The following RANBP10 variants were observed in gnomAD, a reference collection of about 807,000 sequenced individuals.
RANBP10 encodes the protein ran-binding protein 10.
Under a neutral mutation model 72.8 loss-of-function variants are expected in RANBP10, and 24 were observed. The ratio of observed to expected loss-of-function variants is 0.33; its 90% CI spans 0.24 to 0.46. The LOEUF is 0.46. RANBP10 is among the 20% of genes least tolerant of loss of function. The probability of loss-of-function intolerance (pLI) is 1.00; values close to 1 mark genes in which losing one functional copy is unlikely to be tolerated. For missense variants in RANBP10, 679 were observed against 817.5 expected, an observed-to-expected ratio of 0.83 and a Z score of 2.07; for synonymous variants, 310 against 322.3, an observed-to-expected ratio of 0.96 and a Z score of 0.41.
At chr16:67,766,198 T>A (rs1223911869) in intron 3 of RANBP10, among the ~76,000 whole-genome samples, 2 of 152,000 alleles carry the variant, frequency 1.3e-5, no homozygotes, top group Non-Finnish European at 2.9e-5. Flanking sequence ...CCATCCCACC[T>A]CCCCACCAAA....
intron 2 of RANBP10, among the ~76,000 whole-genome samples, chr16:67,779,346 G>A (rs532185053): frequency 4.9e-4 from 74 of 150,736 alleles, no homozygotes; most frequent in African/African-American, 1.5e-3. Context: ...GCAGTGAGCC[G>A]AGATGGCACT....
rs2053576693 is a variant in RANBP10 at position 67,725,114 on chromosome 16, CAT to C, written c.*1312_*1313del. ...GATCTATCTGAAACAGCTGGTGGGA[CAT>C]GTGTAAAGCTGATAGAGTCCCATTC... On this transcript the variant is annotated 3_prime_UTR_variant, in exon 14 of 14. Coordinates refer to ENST00000317506, the MANE Select transcript of RANBP10 (RefSeq NM_020850.3). The C allele has an allele frequency of 6.6e-6, 1 of 152,658 alleles. No individual in the cohort carries two copies. The highest frequency in any genetic ancestry group is 2.4e-5 in the African/African-American group (1 of 41,444). The allele number at this position is 152,658 out of a possible 1,614,324, so 9.5% of individuals were successfully genotyped here.
Position 67,724,276 on chromosome 16 carries a change from C to A in RANBP10, c.*2152G>T. ...GGTTTCAGGACTAAATAGTGTTGCC[C>A]AACCCACAGGGATAAGGGATAGTCC... On this transcript the variant is annotated 3_prime_UTR_variant, in exon 14 of 14. Transcript: ENST00000317506. 6.6e-6 allele frequency: 1 copy of A among 152,372 alleles called. No homozygotes were observed. 9.4% of individuals were successfully genotyped at this position (152,372 alleles called of 1,614,324 possible). A position where few individuals can be genotyped will look rare whatever the true frequency, so the allele number is the denominator to read the frequency against.
chr16:67,799,373 G>A (rs1423649804), intron 2 of RANBP10, among the ~76,000 whole-genome samples: 2 of 147,084 alleles, frequency 1.4e-5, no homozygotes, highest in South Asian at 2.2e-4. Flanking sequence ...CTGCAAGCTC[G>A]GCCTCCCGGG....
chr16:67,733,890 A>C (rs1302481514), intron 6 of RANBP10, among the ~76,000 whole-genome samples: 1 of 152,160 alleles, frequency 6.6e-6, no homozygotes, highest in Non-Finnish European at 1.5e-5. Flanking sequence ...TCCCCTACAC[A>C]GACTTGGCAT....
intron 2 of RANBP10, among the ~76,000 whole-genome samples, chr16:67,779,844 T>C (rs1018492609): frequency 1.3e-5 from 2 of 152,284 alleles, no homozygotes; most frequent in Admixed American, 6.5e-5. Flanking sequence ...CAAGGTGTGC[T>C]GACTCAAAAT....
chr16:67,725,412 C>CT lies in RANBP10; in HGVS notation c.*1015dup, dbSNP rs1355640812. 2 of 152,620 alleles carry CT rather than the reference C, an allele frequency of 1.3e-5. No homozygotes were observed. The highest frequency in any genetic ancestry group is 2.9e-5 in the Non-Finnish European group (2 of 68,072). The allele number at this position is 152,620 out of a possible 1,614,324, so 9.5% of individuals were successfully genotyped here. A position where few individuals can be genotyped will look rare whatever the true frequency, so the allele number is the denominator to read the frequency against. The stretch of plus-strand genomic sequence containing the variant: ...AGGGCCTCTGTCCTGGGAATGGAGT[C>CT]TTCTTTCCAGCAGCCTGACACACAG... On this transcript the variant is annotated 3_prime_UTR_variant, in exon 14 of 14. Coordinates refer to ENST00000317506, the MANE Select transcript of RANBP10 (RefSeq NM_020850.3).
chr16:67,756,496 C>A (rs930158174), intron 3 of RANBP10, among the ~76,000 whole-genome samples: 1 of 151,978 alleles, frequency 6.6e-6, no homozygotes, highest in African/African-American at 2.4e-5. Flanking sequence ...CTGAGGCGGG[C>A]GTTCAAGACC....
At position 67,728,728 on chromosome 16, in the gene RANBP10, C is replaced by G. The variant is rs746721713; in HGVS notation, c.1353-217G>C. 292 of 805,758 alleles carry G rather than the reference C, an allele frequency of 3.6e-4. 2 individuals carry two copies. Among genetic ancestry groups the G allele is most frequent in the Admixed American group, 3.4e-4 (12 of 35,780 alleles). 49.9% of individuals were successfully genotyped at this position (805,758 alleles called of 1,614,324 possible). ...CTGTCACCTGATTCCCACCCTTGCCCCAGTGCTGCCTCTGTGATTCTCCCC... is the reference window on the plus strand; with the variant it reads ...CTGTCACCTGATTCCCACCCTTGCCGCAGTGCTGCCTCTGTGATTCTCCCC... On this transcript the variant is annotated intron_variant, in intron 10 of 13. Transcript: ENST00000317506.
intron 3 of RANBP10, among the ~76,000 whole-genome samples, chr16:67,748,392 G>A (rs1201990411): frequency 1.3e-5 from 2 of 151,492 alleles, no homozygotes; most frequent in Non-Finnish European, 2.9e-5. Context: ...GCGTGGTGGC[G>A]GGCGCCTGTA....
chr16:67,801,941 G>T (rs2055241397), intron 2 of RANBP10, among the ~76,000 whole-genome samples: 1 of 151,644 alleles, frequency 6.6e-6, no homozygotes, highest in African/African-American at 2.4e-5. Flanking sequence ...CAAAAAATAA[G>T]AAAATGAGCC....
At chr16:67,755,021 C>T (rs948811038) in intron 3 of RANBP10, among the ~76,000 whole-genome samples, 1 of 152,118 alleles carries the variant, frequency 6.6e-6, no homozygotes, top group Admixed American at 6.6e-5. Flanking sequence ...ATGTAAATAA[C>T]ACTTCTCCCC....
At chr16:67,801,668 G>C (rs1202946633) in intron 2 of RANBP10, among the ~76,000 whole-genome samples, 1 of 152,040 alleles carries the variant, frequency 6.6e-6, no homozygotes, top group Non-Finnish European at 1.5e-5. Context: ...AAAATCCATG[G>C]GAGGCTGACA....
intron 3 of RANBP10, among the ~76,000 whole-genome samples, chr16:67,765,697 G>A (rs1488077183): frequency 6.6e-5 from 10 of 151,942 alleles, no homozygotes; most frequent in African/African-American, 2.2e-4. Context: ...GTAGCCAGGT[G>A]TGGTGGTGGG....
chr16:67,761,819 C>T (rs1447472294), intron 3 of RANBP10, among the ~76,000 whole-genome samples: 2 of 152,212 alleles, frequency 1.3e-5, no homozygotes, highest in Non-Finnish European at 2.9e-5. Flanking sequence ...GATCTGCCCG[C>T]CTCGGCCTCT....
chr16:67,731,445 G>C, intron 7 of RANBP10, 27 bp downstream of exon 7: 2 of 1,577,128 alleles, frequency 1.3e-6, no homozygotes, highest in Non-Finnish European at 1.7e-6. Flanking sequence ...GTGAGGAAGG[G>C]AAAGGGGAAA....
intron 3 of RANBP10, among the ~76,000 whole-genome samples, chr16:67,757,003 G>C (rs903927278): frequency 6.6e-6 from 1 of 152,096 alleles, no homozygotes; most frequent in Admixed American, 6.5e-5. Flanking sequence ...TCGGGAGTTC[G>C]AGACCACCCT....
At chr16:67,753,972 A>C (rs2054241648) in intron 3 of RANBP10, among the ~76,000 whole-genome samples, 1 of 151,954 alleles carries the variant, frequency 6.6e-6, no homozygotes, top group South Asian at 2.1e-4. Context: ...GTCTCTACTA[A>C]AAAATACAAA....
intron 2 of RANBP10, among the ~76,000 whole-genome samples, chr16:67,802,569 T>C (rs891935283): frequency 6.6e-6 from 1 of 152,128 alleles, no homozygotes; most frequent in African/African-American, 2.4e-5. Context: ...ACCCAGAAAG[T>C]AGAGGTTGCA....
Sources: gnomAD v4.1 joint callset for allele counts (sites outside exome capture counted in the v4.1 genomes callset) on GRCh38, gnomAD v4.1.1 for gene constraint, MANE v1.5 for transcripts, NCBI Gene and HGNC (gene_info 2026-07-23, HGNC 2026-07-21) for gene names.